SAMMSON: variants seen among roughly 807,000 people sequenced by gnomAD.
SAMMSON encodes survival associated mitochondrial melanoma specific oncogenic non-coding RNA, also known as long intergenic non-protein coding RNA 1212.
At chr3:70,021,309 G>T (rs1011172527) in intron 3 of SAMMSON, among the ~76,000 whole-genome samples, 10 of 152,054 alleles carry the variant, frequency 6.6e-5, no homozygotes, top group Non-Finnish European at 1.2e-4. Flanking sequence ...ATTTCAGTTT[G>T]ATATGTTTAC....
At chr3:70,218,559 C>T (rs1701435463) in intron 4 of SAMMSON, among the ~76,000 whole-genome samples, 1 of 152,068 alleles carries the variant, frequency 6.6e-6, no homozygotes, top group African/African-American at 2.4e-5. Flanking sequence ...ACAGCAGCTG[C>T]AGTAGTGGCC....
At chr3:70,048,042 C>A (rs1398967708) in intron 3 of SAMMSON, among the ~76,000 whole-genome samples, 1 of 151,890 alleles carries the variant, frequency 6.6e-6, no homozygotes, top group African/African-American at 2.4e-5. Flanking sequence ...ATTTGAATAG[C>A]AAAAATACCA....
At chr3:70,058,666 C>T (rs1337471524) in intron 3 of SAMMSON, among the ~76,000 whole-genome samples, 1 of 151,948 alleles carries the variant, frequency 6.6e-6, no homozygotes, top group African/African-American at 2.4e-5. Context: ...TGGGTCAGCC[C>T]CAGCAACCAT....
intron 7 of SAMMSON, among the ~76,000 whole-genome samples, chr3:70,332,236 A>G (rs1702626065): frequency 2.6e-5 from 4 of 152,214 alleles, no homozygotes; most frequent in Admixed American, 6.5e-5. Flanking sequence ...CCAGAAGCTC[A>G]CTTCAGATTT....
At chr3:70,327,987 T>C (rs140836872) in intron 7 of SAMMSON, among the ~76,000 whole-genome samples, 1 of 152,128 alleles carries the variant, frequency 6.6e-6, no homozygotes, top group South Asian at 2.1e-4. Flanking sequence ...TTTAATAGAC[T>C]CACAGTTCCA....
chr3:70,173,130 A>G (rs1467607467), intron 4 of SAMMSON, among the ~76,000 whole-genome samples: 2 of 151,960 alleles, frequency 1.3e-5, no homozygotes. Flanking sequence ...TTCTTCTTGG[A>G]TAAATATAAG....
At chr3:70,239,134 G>C (rs983224330) in intron 4 of SAMMSON, among the ~76,000 whole-genome samples, 1 of 152,142 alleles carries the variant, frequency 6.6e-6, no homozygotes, top group Non-Finnish European at 1.5e-5. Flanking sequence ...TCTTTCATCA[G>C]TTCTATTCAA....
At position 70,084,060 on chromosome 3, in the gene SAMMSON, C is replaced by A. The variant is rs142212915; in HGVS notation, n.507+12495C>A. On this transcript the variant is annotated intron_variant and non_coding_transcript_variant, in intron 4 of 9. Transcript: ENST00000642114. The stretch of plus-strand genomic sequence containing the variant: ...TGAGATTTACTATGAAATATACCAG[C>A]ACATACACTTTAAATGAATTTTGAT... 7.2e-3 allele frequency among the ~76,000 whole-genome samples: 1,090 copies of A among 152,260 alleles called. 17 individuals are homozygous for A. The highest frequency in any genetic ancestry group is 0.025 in the African/African-American group (1,032 of 41,552).
intron 9 of SAMMSON, among the ~76,000 whole-genome samples, chr3:70,377,731 C>T (rs556075185): frequency 6.6e-6 from 1 of 151,936 alleles, no homozygotes; most frequent in Non-Finnish European, 1.5e-5. Context: ...ACACATATGG[C>T]AGAAAAAGAA....
At chr3:70,200,865 C>T (rs1228881749) in intron 4 of SAMMSON, among the ~76,000 whole-genome samples, 3 of 150,842 alleles carry the variant, frequency 2.0e-5, no homozygotes, top group African/African-American at 7.3e-5. Context: ...AGATTCAAAT[C>T]TAAGTCTTTC....
At chr3:70,362,741 A>G (rs1377317428) in intron 9 of SAMMSON, among the ~76,000 whole-genome samples, 3 of 151,782 alleles carry the variant, frequency 2.0e-5, no homozygotes, top group African/African-American at 7.3e-5. Context: ...TGTATAAATA[A>G]CTGTTACTAA....
chr3:70,397,639 T>A (rs1215409550), intron 2 of SAMMSON, among the ~76,000 whole-genome samples: 1 of 152,162 alleles, frequency 6.6e-6, no homozygotes, highest in Non-Finnish European at 1.5e-5. Context: ...TGTGTGTATG[T>A]GTGTATGATT....
At chr3:70,113,737 C>T (rs1278483307) in intron 4 of SAMMSON, among the ~76,000 whole-genome samples, 1 of 152,180 alleles carries the variant, frequency 6.6e-6, no homozygotes, top group Non-Finnish European at 1.5e-5. Flanking sequence ...GCCTTACCCT[C>T]AGTTGATGGC....
chr3:70,265,097 A>G (rs1478318787), intron 6 of SAMMSON, among the ~76,000 whole-genome samples: 1 of 152,268 alleles, frequency 6.6e-6, no homozygotes, highest in African/African-American at 2.4e-5. Context: ...CCATGATTCA[A>G]TTACCTCTCA....
chr3:70,126,317 T>G, intron 4 of SAMMSON: 1 of 1,208,728 alleles, frequency 8.3e-7, no homozygotes, highest in Non-Finnish European at 1.2e-6. Flanking sequence ...CTTGCTCTTT[T>G]GCAAATTCAA....
chr3:70,179,801 A>G (rs1013818952), intron 4 of SAMMSON, among the ~76,000 whole-genome samples: 9 of 151,918 alleles, frequency 5.9e-5, no homozygotes, highest in African/African-American at 2.2e-4. Flanking sequence ...TTCTGCTTGA[A>G]TTCTTGGATT....
intron 3 of SAMMSON, among the ~76,000 whole-genome samples, chr3:70,019,245 G>A: frequency 6.6e-6 from 1 of 152,174 alleles, no homozygotes; most frequent in Non-Finnish European, 1.5e-5. Context: ...CTAAGGACTT[G>A]CTTTATGAAT....
chr3:70,108,393 C>A (rs1481809534), intron 4 of SAMMSON, among the ~76,000 whole-genome samples: 1 of 134,294 alleles, frequency 7.4e-6, no homozygotes, highest in Admixed American at 7.8e-5. Context: ...ATAGCTTATC[C>A]ATGTTAGTGT....
intron 2 of SAMMSON, among the ~76,000 whole-genome samples, chr3:70,413,852 CATTA>C (rs1232471383): frequency 6.6e-6 from 1 of 152,028 alleles, no homozygotes; most frequent in Non-Finnish European, 1.5e-5. Flanking sequence ...ATAGCTCTGC[CATTA>C]TTAGTTTGCA....
Sources: allele counts gnomAD v4.1 joint callset (sites outside exome capture counted in the v4.1 genomes callset), GRCh38; gene constraint gnomAD v4.1.1; transcripts MANE v1.5; gene names NCBI Gene and HGNC (gene_info 2026-07-23, HGNC 2026-07-21).